The following TPO variants were observed in gnomAD, a reference collection of about 807,000 sequenced individuals.
TPO encodes the protein thyroid microsomal antigen.
Under a neutral mutation model 96.9 loss-of-function variants are expected in TPO, and 78 were observed. The observed-to-expected ratio is 0.81, with a 90% confidence interval of 0.67 to 0.97. The LOEUF (loss-of-function observed/expected upper bound fraction) is 0.97, where lower values mean the gene tolerates loss of function less well. Among genes scored for constraint, TPO ranks in the 50% least tolerant of loss-of-function variants. The pLI, the probability that TPO is intolerant of heterozygous loss-of-function variation, is 0.00. For missense variants in TPO, 1,252 were observed against 1,274.8 expected (o/e 0.98, Z 0.27); for synonymous variants, 547 against 538.0 (o/e 1.02, Z -0.23).
intron 7 of TPO, among the ~76,000 whole-genome samples, chr2:1,461,581 T>C (rs1206024488): frequency 6.6e-6 from 1 of 152,094 alleles, no homozygotes; most frequent in Non-Finnish European, 1.5e-5. Flanking sequence ...CAGGGCCCCC[T>C]GCCCCACCGG....
chr2:1,415,494 C>T (rs1389441372), intron 2 of TPO, among the ~76,000 whole-genome samples: 26 of 148,842 alleles, frequency 1.7e-4, no homozygotes, highest in Middle Eastern at 3.7e-3. Flanking sequence ...TGGGCAGGTC[C>T]CTGGGCCTCT....
intron 14 of TPO, among the ~76,000 whole-genome samples, chr2:1,506,981 T>A (rs200926802): frequency 0.032 from 4,620 of 146,564 alleles, 110 homozygotes; most frequent in East Asian, 0.12. Flanking sequence ...CTGAATGGTA[T>A]TGCCTAGGTT....
intron 1 of TPO, among the ~76,000 whole-genome samples, chr2:1,385,387 G>T (rs1016178434): frequency 3.9e-5 from 6 of 152,090 alleles, no homozygotes; most frequent in African/African-American, 1.2e-4. Flanking sequence ...CAATTTCAGA[G>T]CCTGTTATTG....
chr2:1,425,753 T>C (rs1447179483), intron 3 of TPO, among the ~76,000 whole-genome samples: 1 of 152,266 alleles, frequency 6.6e-6, no homozygotes, highest in Non-Finnish European at 1.5e-5. Flanking sequence ...AAAGTCATTG[T>C]TCTAGATGCC....
At chr2:1,512,124 C>T (rs559155875) in intron 14 of TPO, among the ~76,000 whole-genome samples, 1 of 152,114 alleles carries the variant, frequency 6.6e-6, no homozygotes, top group Admixed American at 6.5e-5. Flanking sequence ...AGCTCCACCT[C>T]CCGGGTTCAC....
At chr2:1,382,710 CTCTT>C (rs1366949158) in intron 1 of TPO, among the ~76,000 whole-genome samples, 2 of 151,948 alleles carry the variant, frequency 1.3e-5, no homozygotes, top group Non-Finnish European at 2.9e-5. Context: ...GAAAAAGATG[CTCTT>C]TCTTTTTTTT....
At chr2:1,532,946 C>G (rs1408828957) in intron 15 of TPO, among the ~76,000 whole-genome samples, 1 of 120,218 alleles carries the variant, frequency 8.3e-6, no homozygotes, top group Non-Finnish European at 1.7e-5. Context: ...TATGTGCAAC[C>G]TCCTCAAATC....
intron 2 of TPO, among the ~76,000 whole-genome samples, chr2:1,422,360 C>G (rs1273384633): frequency 7.0e-6 from 1 of 142,126 alleles, no homozygotes; most frequent in African/African-American, 2.4e-5. Flanking sequence ...CGTGCAGGCG[C>G]CGCGCTGGAC....
chr2:1,410,751 C>G (rs529164094), upstream of TPO, among the ~76,000 whole-genome samples: 4 of 152,066 alleles, frequency 2.6e-5, no homozygotes, highest in African/African-American at 9.6e-5. Flanking sequence ...CCCCATCCTG[C>G]CATGTGTGAG....
intron 5 of TPO, among the ~76,000 whole-genome samples, chr2:1,440,376 C>T (rs1666047191): frequency 7.2e-6 from 1 of 138,150 alleles, no homozygotes; most frequent in Non-Finnish European, 1.6e-5. Context: ...GGCAGGGTTT[C>T]TAAGGCTTGT....
At chr2:1,434,617 TG>T (rs1665368729) in intron 4 of TPO, among the ~76,000 whole-genome samples, 1 of 152,184 alleles carries the variant, frequency 6.6e-6, no homozygotes, top group African/African-American at 2.4e-5. Context: ...CGTCAGAAGA[TG>T]TGGGTCTTTC....
At chr2:1,430,796 C>A (rs75067306) in intron 3 of TPO, among the ~76,000 whole-genome samples, 3,187 of 150,756 alleles carry the variant, frequency 0.021, 97 homozygotes, top group East Asian at 0.12. Context: ...TGGTGTGGGG[C>A]CTATCAAGCC....
rs139125835 is a variant in TPO, at chr2:1,478,320, A to AC, written c.1338+716_1338+717insC. On this transcript the variant is annotated intron_variant, in intron 8 of 16. Coordinates refer to ENST00000329066, the MANE Select transcript of TPO (RefSeq NM_001206744.2). ...TAGGAAGAAGGATGGGCTGTTTGATATGCGAGTCACCGTGTGTGTCTGTTG... is the reference window on the plus strand; with the variant it reads ...TAGGAAGAAGGATGGGCTGTTTGATACTGCGAGTCACCGTGTGTGTCTGTTG... The AC allele has an allele frequency of 8.3e-4, 822 of 985,434 alleles. 1 individual carries two copies. The African/African-American group carries it at 0.011, about 13-fold the overall frequency. 61.0% of individuals were successfully genotyped at this position (985,434 alleles called of 1,614,324 possible).
chr2:1,501,861 T>C (rs1232013932), intron 13 of TPO, among the ~76,000 whole-genome samples: 3 of 152,016 alleles, frequency 2.0e-5, no homozygotes, highest in Non-Finnish European at 4.4e-5. Context: ...CCTCTAGAAC[T>C]CTTGGAGGAT....
chr2:1,391,126 A>G (rs1661993841), intron 1 of TPO, among the ~76,000 whole-genome samples: 1 of 152,218 alleles, frequency 6.6e-6, no homozygotes. Flanking sequence ...CCTGAATGGT[A>G]TCGCCTAGGT....
chr2:1,416,989 A>T (rs1225377371), intron 2 of TPO, among the ~76,000 whole-genome samples: 2 of 152,146 alleles, frequency 1.3e-5, no homozygotes, highest in Non-Finnish European at 1.5e-5. Flanking sequence ...TGGGTGGCTC[A>T]CCCTTATGTG....
chr2:1,463,203 C>T (rs561807144), intron 7 of TPO, among the ~76,000 whole-genome samples: 2 of 152,174 alleles, frequency 1.3e-5, no homozygotes, highest in Non-Finnish European at 2.9e-5. Flanking sequence ...AACCTCCTGG[C>T]TTGCAGTTAA....
chr2:1,430,687 C>A (rs555341539), intron 3 of TPO, among the ~76,000 whole-genome samples: 5 of 152,240 alleles, frequency 3.3e-5, no homozygotes, highest in Non-Finnish European at 5.9e-5. Flanking sequence ...CTGCCCAAGG[C>A]TATGGGAGCC....
chr2:1,420,640 A>G (rs1277186117), intron 2 of TPO, among the ~76,000 whole-genome samples: 1 of 152,096 alleles, frequency 6.6e-6, no homozygotes, highest in African/African-American at 2.4e-5. Context: ...CCTGCACGCA[A>G]TTCAGTGGGC....
Sources: allele counts gnomAD v4.1 joint callset (sites outside exome capture counted in the v4.1 genomes callset), GRCh38; gene constraint gnomAD v4.1.1; transcripts MANE v1.5; gene names NCBI Gene and HGNC (gene_info 2026-07-23, HGNC 2026-07-21).